Variants in SYN3 observed in about 807,000 individuals in gnomAD.
SYN3 encodes the protein synapsin-3.
In SYN3, 35 loss-of-function variants were observed where a neutral mutation model predicts 65.8. The observed-to-expected ratio is 0.53, with a 90% CI of 0.41 to 0.70. The LOEUF (loss-of-function observed/expected upper bound fraction) is 0.70, where lower values mean the gene tolerates loss of function less well. SYN3 is among the 30% of genes least tolerant of loss of function. The probability of loss-of-function intolerance (pLI) is 0.00; values close to 1 mark genes in which losing one functional copy is unlikely to be tolerated. For synonymous variants in SYN3, 270 were observed against 292.9 expected (o/e 0.92, Z 0.80); for missense variants, 680 against 749.0 (o/e 0.91, Z 1.08).
chr22:32,923,353 A>C (rs2050383543), intron 4 of SYN3, among the ~76,000 whole-genome samples: 1 of 152,216 alleles, frequency 6.6e-6, no homozygotes, highest in South Asian at 2.1e-4. Context: ...GTGAGGGAAG[A>C]TCTTCCTTGA....
chr22:32,903,260 G>C (rs920727921), intron 4 of SYN3, among the ~76,000 whole-genome samples: 7 of 152,102 alleles, frequency 4.6e-5, no homozygotes, highest in Non-Finnish European at 1.0e-4. Flanking sequence ...GGGTTGTTTT[G>C]AAGACTAAAT....
intron 6 of SYN3, among the ~76,000 whole-genome samples, chr22:32,781,553 A>G (rs1244754045): frequency 1.3e-5 from 2 of 152,178 alleles, no homozygotes; most frequent in Non-Finnish European, 2.9e-5. Flanking sequence ...GCTTAAAGGA[A>G]TTAATAATAA....
At chr22:32,871,617 T>C (rs2048851832) in intron 4 of SYN3, among the ~76,000 whole-genome samples, 1 of 151,914 alleles carries the variant, frequency 6.6e-6, no homozygotes, top group East Asian at 1.9e-4. Context: ...TTTAAATTAT[T>C]ATTTTTTTAG....
intron 7 of SYN3, among the ~76,000 whole-genome samples, chr22:32,586,113 T>C (rs918652101): frequency 1.3e-5 from 2 of 150,414 alleles, no homozygotes; most frequent in East Asian, 3.9e-4. Context: ...TACATGTATA[T>C]GTATATATGT....
chr22:32,538,040 C>G lies in SYN3; in HGVS notation c.988G>C (p.Glu330Gln). 6.2e-7 allele frequency: 1 copy of G among 1,614,152 alleles called. No individual in the cohort carries two copies. The highest frequency in any genetic ancestry group is 1.7e-5 in the Admixed American group (1 of 60,028). The change falls in exon 9 of 14, where the codon GAG (glutamate) becomes CAG (glutamine). Residue 330 changes from glutamate to glutamine, a missense_variant. Glu to Gln is a conservative substitution (Grantham distance 29). Transcript: ENST00000358763. ...TACACCTCCTTTGTCTCTTACCTCT[C>G]TGTCATGGCCACCTGCTCCAGCATG... ...SAMLEQVAMT[E>Q]RYRLWVDSCS...
chr22:32,570,635 C>T (rs1363946446), intron 7 of SYN3, among the ~76,000 whole-genome samples: 1 of 152,052 alleles, frequency 6.6e-6, no homozygotes, highest in Non-Finnish European at 1.5e-5. Flanking sequence ...CATTTAGCAA[C>T]TCTACCCTTA....
At chr22:32,662,647 A>G (rs1250568727) in intron 6 of SYN3, among the ~76,000 whole-genome samples, 1 of 152,230 alleles carries the variant, frequency 6.6e-6, no homozygotes, top group African/African-American at 2.4e-5. Flanking sequence ...TAAGGCTGTC[A>G]TTAAGAGGAA....
chr22:32,754,181 T>C (rs973990797), intron 6 of SYN3, among the ~76,000 whole-genome samples: 1 of 151,904 alleles, frequency 6.6e-6, no homozygotes, highest in African/African-American at 2.4e-5. Context: ...ACACAGAGTC[T>C]CACTCTGTCG....
intron 7 of SYN3, among the ~76,000 whole-genome samples, chr22:32,560,198 G>A (rs565865535): frequency 2.6e-5 from 4 of 152,340 alleles, no homozygotes; most frequent in South Asian, 2.1e-4. Flanking sequence ...CAAGTTGCCC[G>A]ACTGGCCCTC....
chr22:32,698,649 T>A (rs1398480217), intron 6 of SYN3, among the ~76,000 whole-genome samples: 7 of 152,206 alleles, frequency 4.6e-5, no homozygotes, highest in Admixed American at 6.5e-5. Context: ...TGATGGTGGA[T>A]TATTAGTTCT....
chr22:32,716,743 G>C (rs1416516578), intron 6 of SYN3, among the ~76,000 whole-genome samples: 1 of 152,028 alleles, frequency 6.6e-6, no homozygotes, highest in African/African-American at 2.4e-5. Flanking sequence ...GGCTGGTCTC[G>C]AATTCCTGAG....
At chr22:32,998,807 C>A (rs184480222) in intron 2 of SYN3, among the ~76,000 whole-genome samples, 1,244 of 108,882 alleles carry the variant, frequency 0.011, 13 homozygotes, top group Non-Finnish European at 0.017. Context: ...AAACAAAAGT[C>A]CCTCCATCCT....
intron 7 of SYN3, among the ~76,000 whole-genome samples, chr22:32,589,283 C>G (rs2146544676): frequency 6.6e-6 from 1 of 152,352 alleles, no homozygotes; most frequent in Middle Eastern, 3.4e-3. Context: ...TGAGCAATTC[C>G]TTCCAATGGA....
intron 6 of SYN3, among the ~76,000 whole-genome samples, chr22:32,741,773 C>A (rs1038604799): frequency 6.6e-6 from 1 of 152,156 alleles, no homozygotes; most frequent in African/African-American, 2.4e-5. Context: ...ACAGTGTTCA[C>A]TTTATAGATC....
chr22:32,787,058 C>CTTT (rs130552), intron 6 of SYN3, among the ~76,000 whole-genome samples: 1 of 130,106 alleles, frequency 7.7e-6, no homozygotes, highest in South Asian at 2.5e-4. Context: ...CTTTTCTTTT[C>CTTT]TTTTTTTTTT....
At chr22:32,623,582 A>G (rs969192781) in intron 6 of SYN3, among the ~76,000 whole-genome samples, 2 of 152,224 alleles carry the variant, frequency 1.3e-5, no homozygotes, top group Non-Finnish European at 2.9e-5. Context: ...CCTGGCCTGC[A>G]GGCCTAGCTG....
At chr22:32,723,253 G>A (rs1178953287) in intron 6 of SYN3, among the ~76,000 whole-genome samples, 1 of 152,198 alleles carries the variant, frequency 6.6e-6, no homozygotes, top group African/African-American at 2.4e-5. Context: ...ACGTGAGCAT[G>A]GGCAAATTAG....
At chr22:32,929,731 C>G (rs1217999323) in intron 4 of SYN3, among the ~76,000 whole-genome samples, 1 of 152,090 alleles carries the variant, frequency 6.6e-6, no homozygotes, top group Non-Finnish European at 1.5e-5. Flanking sequence ...GGAATCTCAG[C>G]TTATTGTGGA....
chr22:33,033,600 C>T (rs932701575), intron 1 of SYN3, among the ~76,000 whole-genome samples: 1 of 152,170 alleles, frequency 6.6e-6, no homozygotes, highest in African/African-American at 2.4e-5. Context: ...CTCACTGCCT[C>T]ACCCAGGGCC....
Sources: gnomAD v4.1 joint callset for allele counts (sites outside exome capture counted in the v4.1 genomes callset) on GRCh38, gnomAD v4.1.1 for gene constraint, MANE v1.5 for transcripts, NCBI Gene and HGNC (gene_info 2026-07-23, HGNC 2026-07-21) for gene names.